Variants in CDH12 observed in about 807,000 individuals in gnomAD.
CDH12 encodes the protein cadherin 12, also known as cadherin-12.
A neutral mutation model predicts 74.1 loss-of-function variants in CDH12; 41 were observed. The ratio of observed to expected loss-of-function variants is 0.55; its 90% CI spans 0.43 to 0.72. The LOEUF is 0.72. Among genes scored for constraint, CDH12 ranks in the 30% least tolerant of loss-of-function variants. The probability of loss-of-function intolerance (pLI) is 0.00; values close to 1 mark genes in which losing one functional copy is unlikely to be tolerated. For synonymous variants in CDH12, 399 were observed against 355.0 expected, an observed-to-expected ratio of 1.12 and a Z score of -1.39; for missense variants, 945 against 977.2, an observed-to-expected ratio of 0.97 and a Z score of 0.44.
intron 4 of CDH12, among the ~76,000 whole-genome samples, chr5:22,203,599 G>A (rs965936084): frequency 1.3e-5 from 2 of 152,066 alleles, no homozygotes; most frequent in African/African-American, 2.4e-5. Flanking sequence ...TATTTCCTTT[G>A]GATACAGACC....
At chr5:22,499,269 C>T (rs940638405) in intron 2 of CDH12, among the ~76,000 whole-genome samples, 1 of 151,970 alleles carries the variant, frequency 6.6e-6, no homozygotes, top group Non-Finnish European at 1.5e-5. Flanking sequence ...CTGAAATATC[C>T]ACGAATGTGT....
intron 8 of CDH12, among the ~76,000 whole-genome samples, chr5:21,833,582 T>C (rs1664020664): frequency 7.4e-6 from 1 of 135,110 alleles, no homozygotes; most frequent in Non-Finnish European, 1.6e-5. Context: ...ATGTAATATA[T>C]ACCAAACATT....
chr5:22,045,593 CT>C (rs1739888852), intron 5 of CDH12, among the ~76,000 whole-genome samples: 1 of 132,252 alleles, frequency 7.6e-6, no homozygotes, highest in Non-Finnish European at 1.5e-5. Context: ...AAATGGTACA[CT>C]ATTCAGCCAA....
intron 1 of CDH12, among the ~76,000 whole-genome samples, chr5:22,827,222 G>A (rs1162930019): frequency 2.6e-5 from 4 of 152,152 alleles, no homozygotes; most frequent in East Asian, 1.9e-4. Context: ...AAGCCATGGC[G>A]TCTTCCATGT....
chr5:21,859,395 T>G (rs1022019065), intron 6 of CDH12, among the ~76,000 whole-genome samples: 14 of 151,848 alleles, frequency 9.2e-5, no homozygotes, highest in African/African-American at 2.9e-4. Flanking sequence ...CCACTCACTA[T>G]CATGAGAACA....
At chr5:22,269,590 A>G (rs969003298) in intron 3 of CDH12, among the ~76,000 whole-genome samples, 4 of 152,180 alleles carry the variant, frequency 2.6e-5, no homozygotes, top group African/African-American at 9.7e-5. Flanking sequence ...AAAACTAGTG[A>G]TGAACAACAT....
intron 1 of CDH12, among the ~76,000 whole-genome samples, chr5:22,748,895 C>A (rs1366743460): frequency 2.6e-5 from 4 of 152,128 alleles, no homozygotes; most frequent in African/African-American, 4.8e-5. Flanking sequence ...TTATTGACTG[C>A]CTTCATGCCA....
At chr5:22,242,427 A>G (rs556043245) in intron 3 of CDH12, among the ~76,000 whole-genome samples, 2 of 152,206 alleles carry the variant, frequency 1.3e-5, no homozygotes, top group African/African-American at 2.4e-5. Context: ...AGGAATAATA[A>G]ATTTCAGATA....
At chr5:22,777,440 G>C (rs1747160702) in intron 1 of CDH12, among the ~76,000 whole-genome samples, 1 of 151,978 alleles carries the variant, frequency 6.6e-6, no homozygotes, top group African/African-American at 2.4e-5. Context: ...CTAATTTTGG[G>C]TCTGGATTAT....
chr5:22,335,208 C>T (rs1391206077), intron 3 of CDH12, among the ~76,000 whole-genome samples: 1 of 152,142 alleles, frequency 6.6e-6, no homozygotes, highest in Non-Finnish European at 1.5e-5. Flanking sequence ...TGTGCCCCCA[C>T]CCAAATCTCA....
intron 1 of CDH12, among the ~76,000 whole-genome samples, chr5:22,735,792 CA>C (rs1214766138): frequency 6.6e-6 from 1 of 151,700 alleles, no homozygotes; most frequent in Non-Finnish European, 1.5e-5. Context: ...AGTGCTTACT[CA>C]AAAAATGAGT....
chr5:22,821,472 A>G (rs1749697403), intron 1 of CDH12, among the ~76,000 whole-genome samples: 1 of 152,170 alleles, frequency 6.6e-6, no homozygotes, highest in African/African-American at 2.4e-5. Flanking sequence ...ACATGATTGT[A>G]TATCTAGAAA....
intron 1 of CDH12, among the ~76,000 whole-genome samples, chr5:22,724,546 C>T (rs1454832332): frequency 1.3e-5 from 2 of 151,950 alleles, no homozygotes; most frequent in African/African-American, 4.8e-5. Flanking sequence ...ATTTCAGTTG[C>T]TGCAAAAGAC....
intron 5 of CDH12, among the ~76,000 whole-genome samples, chr5:22,072,561 TGTGTG>T (rs1426226803): frequency 6.6e-6 from 1 of 151,500 alleles, no homozygotes; most frequent in African/African-American, 2.4e-5. Context: ...TGTGTGTGTG[TGTGTG>T]TTTAGGCTTT....
chr5:21,940,963 A>G (rs1474864064), intron 6 of CDH12, among the ~76,000 whole-genome samples: 1 of 152,196 alleles, frequency 6.6e-6, no homozygotes, highest in Non-Finnish European at 1.5e-5. Context: ...TTTGTCGGTA[A>G]ACCATCTTTA....
chr5:22,397,463 T>G (rs572030090), intron 3 of CDH12, among the ~76,000 whole-genome samples: 22 of 152,154 alleles, frequency 1.4e-4, no homozygotes, highest in Middle Eastern at 3.4e-3. Flanking sequence ...CAGGTTTTTT[T>G]TTTTTTTTTC....
intron 4 of CDH12, among the ~76,000 whole-genome samples, chr5:22,165,740 G>T (rs1274786238): frequency 1.3e-5 from 2 of 152,190 alleles, no homozygotes; most frequent in Non-Finnish European, 2.9e-5. Context: ...TAAAGACCTT[G>T]CTGATAAAAC....
At chr5:22,342,267 T>C (rs952248548) in intron 3 of CDH12, among the ~76,000 whole-genome samples, 7 of 152,150 alleles carry the variant, frequency 4.6e-5, no homozygotes, top group African/African-American at 1.7e-4. Context: ...CATTCAGTCC[T>C]TAGCAGAGAG....
intron 1 of CDH12, among the ~76,000 whole-genome samples, chr5:22,772,406 A>T (rs1307720971): frequency 2.0e-5 from 3 of 152,072 alleles, no homozygotes; most frequent in Admixed American, 1.3e-4. Flanking sequence ...AATCACACCT[A>T]ACCTCAAAAG....
Sources: gnomAD v4.1 joint callset for allele counts (sites outside exome capture counted in the v4.1 genomes callset) on GRCh38, gnomAD v4.1.1 for gene constraint, MANE v1.5 for transcripts, NCBI Gene and HGNC (gene_info 2026-07-23, HGNC 2026-07-21) for gene names.